BTC: variants seen among roughly 807,000 people sequenced by gnomAD.
BTC encodes probetacellulin.
A neutral mutation model predicts 18.1 loss-of-function variants in BTC; 13 were observed. That is an observed-to-expected ratio of 0.72 (90% confidence interval 0.47 to 1.14). The LOEUF is 1.14. BTC is among the 50% of genes most tolerant of loss of function. BTC has a pLI of 0.00. For missense variants in BTC, 247 were observed against 224.2 expected (o/e 1.10, Z -0.65); for synonymous variants, 83 against 79.4 (o/e 1.05, Z -0.24).
At chr4:74,793,573 T>C (rs1251560388) in intron 1 of BTC, among the ~76,000 whole-genome samples, 1 of 151,982 alleles carries the variant, frequency 6.6e-6, no homozygotes, top group Non-Finnish European at 1.5e-5. Context: ...CTTTGAAGAG[T>C]TGGGATTTTT....
chr4:74,778,021 T>C (rs1161180982), intron 1 of BTC, among the ~76,000 whole-genome samples: 4 of 151,000 alleles, frequency 2.6e-5, no homozygotes, highest in African/African-American at 9.9e-5. Flanking sequence ...AGAGACCCTA[T>C]CTAACGTGGA....
intron 2 of BTC, among the ~76,000 whole-genome samples, chr4:74,765,065 C>G (rs1724860752): frequency 1.1e-5 from 1 of 89,060 alleles, no homozygotes; most frequent in Non-Finnish European, 2.0e-5. Context: ...TTATTTCTAC[C>G]TGTCCCTGCT....
chr4:74,784,533 C>A (rs1307291672), intron 1 of BTC, among the ~76,000 whole-genome samples: 1 of 152,064 alleles, frequency 6.6e-6, no homozygotes, highest in Non-Finnish European at 1.5e-5. Context: ...GCAGCTTTTG[C>A]CCATTCAGTA....
In BTC at chr4:74,748,129, T is replaced by C. The variant is rs1553955651; in HGVS notation, c.449A>G (p.Lys150Arg). Residue 150 changes from lysine (K) to arginine (R), a missense_variant, in exon 5 of 6, where the codon AAA becomes AGA. By Grantham distance (26) the Lys-to-Arg change is conservative. Coordinates refer to ENST00000395743, the MANE Select transcript of BTC (RefSeq NM_001729.4). ...CATTTCTTCTTCTTTCTTCTTTCTT[T>C]TACGACGTTTCCGAAGAGGGCTTGG... is the stretch of plus-strand genomic sequence containing the variant. ...TCCHPLRKRR[K>R]RKKKEEEMET... is the part of the protein sequence containing the mutation. 3.1e-6 allele frequency: 5 copies of C among 1,608,926 alleles called. No individual in the cohort carries two copies. Among genetic ancestry groups the C allele is most frequent in the South Asian group, 1.1e-5 (1 of 90,972 alleles).
rs1184129604 is a variant in BTC, at chr4:74,746,450, T to C, written c.*227A>G. 6.6e-6 allele frequency: 1 copy of C among 152,640 alleles called. No homozygotes were observed. Among genetic ancestry groups the C allele is most frequent in the African/African-American group, 2.4e-5 (1 of 41,444 alleles). The allele number at this position is 152,640 out of a possible 1,614,324, so 9.5% of individuals were successfully genotyped here. On this transcript the variant is annotated 3_prime_UTR_variant, in exon 6 of 6. Coordinates refer to ENST00000395743, the MANE Select transcript of BTC (RefSeq NM_001729.4). Reference sequence around the variant, plus strand: ...AAAGGTTATTGAAATTTCCCTTCTGTTGTTGCTACCTAACCAGTTGCTTTT... The same window carrying C: ...AAAGGTTATTGAAATTTCCCTTCTGCTGTTGCTACCTAACCAGTTGCTTTT...
intron 2 of BTC, among the ~76,000 whole-genome samples, chr4:74,761,027 C>T (rs1338932720): frequency 1.3e-5 from 2 of 152,138 alleles, no homozygotes; most frequent in African/African-American, 4.8e-5. Context: ...AGCCAATGCG[C>T]CTGGCCTAGC....
chr4:74,765,747 A>T (rs961654700), intron 2 of BTC, among the ~76,000 whole-genome samples: 1 of 152,194 alleles, frequency 6.6e-6, no homozygotes, highest in Admixed American at 6.5e-5. Context: ...GATGAAAATT[A>T]CTTTTCACGC....
intron 4 of BTC, among the ~76,000 whole-genome samples, chr4:74,748,722 GTAT>G (rs1724365053): frequency 6.6e-6 from 1 of 152,096 alleles, no homozygotes; most frequent in East Asian, 1.9e-4. Flanking sequence ...AGACTAATAA[GTAT>G]TATGTAGTGT....
chr4:74,772,342 C>T (rs1577961712), intron 1 of BTC, among the ~76,000 whole-genome samples: 2 of 152,116 alleles, frequency 1.3e-5, no homozygotes, highest in South Asian at 4.1e-4. Flanking sequence ...CAGCACCTGC[C>T]CTTTCCTTCA....
intron 1 of BTC, among the ~76,000 whole-genome samples, chr4:74,787,059 T>C (rs1214124869): frequency 1.3e-5 from 2 of 152,080 alleles, no homozygotes; most frequent in Non-Finnish European, 2.9e-5. Flanking sequence ...ATTTAATTAA[T>C]ACATTTTGAG....
intron 1 of BTC, among the ~76,000 whole-genome samples, chr4:74,790,498 A>T (rs1725594791): frequency 6.6e-6 from 1 of 152,144 alleles, no homozygotes; most frequent in Admixed American, 6.5e-5. Context: ...CTTGACCACT[A>T]CATGACCCTG....
At chr4:74,776,465 G>T (rs1725178096) in intron 1 of BTC, among the ~76,000 whole-genome samples, 1 of 152,062 alleles carries the variant, frequency 6.6e-6, no homozygotes, top group African/African-American at 2.4e-5. Context: ...AAGACAAAAG[G>T]AAAAGAAATC....
rs964292262 is a variant in BTC, at chr4:74,745,410, G to A, written c.*1267C>T. The A allele has an allele frequency of 1.3e-5, 2 of 152,204 alleles. No homozygotes were observed. Among genetic ancestry groups the A allele is most frequent in the South Asian group, 2.1e-4 (1 of 4,830 alleles). 9.4% of individuals were successfully genotyped at this position (152,204 alleles called of 1,614,324 possible). Reference sequence around the variant, plus strand: ...ATTCTAAAAAAGAAGCTGCTTGGCCGACAGGCACAAGTTGGGGGGCATCTT... The same window carrying A: ...ATTCTAAAAAAGAAGCTGCTTGGCCAACAGGCACAAGTTGGGGGGCATCTT... On this transcript the variant is annotated 3_prime_UTR_variant, in exon 6 of 6. Transcript: ENST00000395743.
chr4:74,785,539 G>T (rs576837850), intron 1 of BTC, among the ~76,000 whole-genome samples: 52 of 152,234 alleles, frequency 3.4e-4, no homozygotes, highest in Non-Finnish European at 6.6e-4. Flanking sequence ...GATCTTTCTA[G>T]ATTTTTGATG....
chr4:74,747,983 T>C (rs1322798017), intron 5 of BTC, 57 bp downstream of exon 5: 14 of 899,156 alleles, frequency 1.6e-5, no homozygotes, highest in South Asian at 1.1e-4. Context: ...GTAAGCCCAA[T>C]CTAACCAGTT....
rs146510073 is a variant in BTC at position 74,787,241 on chromosome 4, A to G, written c.64+7021T>C. On this transcript the variant is annotated intron_variant, in intron 1 of 5. Coordinates refer to ENST00000395743, the MANE Select transcript of BTC (RefSeq NM_001729.4). ...AGGAGGCTGAATATGAATACTGTTA[A>G]ACTTCCCATCCCCATTTTGTAATTA... 2.2e-4 allele frequency among the ~76,000 whole-genome samples: 34 copies of G among 152,312 alleles called. 1 individual carries two copies. In the East Asian group the frequency reaches 6.6e-3, roughly 29 times the overall value.
chr4:74,763,615 C>A (rs1174542804), intron 2 of BTC, among the ~76,000 whole-genome samples: 33 of 151,884 alleles, frequency 2.2e-4, no homozygotes, highest in Admixed American at 5.9e-4. Context: ...CAGGCTTAAC[C>A]TCCTGAATGG....
intron 1 of BTC, among the ~76,000 whole-genome samples, chr4:74,777,154 T>G (rs1355103802): frequency 6.6e-6 from 1 of 152,142 alleles, no homozygotes; most frequent in Non-Finnish European, 1.5e-5. Flanking sequence ...AGATCTACCT[T>G]TTATGCACGA....
intron 2 of BTC, among the ~76,000 whole-genome samples, chr4:74,759,115 A>T (rs922605956): frequency 6.6e-6 from 1 of 152,146 alleles, no homozygotes; most frequent in Admixed American, 6.5e-5. Context: ...CTAAATATTG[A>T]ACTATGGAAC....
Sources: allele counts gnomAD v4.1 joint callset (sites outside exome capture counted in the v4.1 genomes callset), GRCh38; gene constraint gnomAD v4.1.1; transcripts MANE v1.5; gene names NCBI Gene and HGNC (gene_info 2026-07-23, HGNC 2026-07-21).